The following TEX11 variants were observed in gnomAD, a reference collection of about 807,000 sequenced individuals.
TEX11 encodes the protein testis-expressed protein 11.
Under a neutral mutation model 84.4 loss-of-function variants are expected in TEX11, and 7 were observed. That is an observed-to-expected ratio of 0.08 (90% CI 0.05 to 0.16). The LOEUF is 0.16. TEX11 is among the 10% of genes least tolerant of loss of function. The probability of loss-of-function intolerance (pLI) is 1.00; values close to 1 mark genes in which losing one functional copy is unlikely to be tolerated. For missense variants in TEX11, 551 were observed against 660.5 expected (o/e 0.83, Z 1.82); for synonymous variants, 264 against 222.8 (o/e 1.18, Z -1.64).
At chrX:70,897,615 GGAAGGAAGGAAGGAAGGA>G (rs1569463109) in intron 2 of TEX11, 7 of 40,684 alleles carry the variant, frequency 1.7e-4, no homozygotes, top group Admixed American at 1.4e-3. Flanking sequence ...AAAAAAGGAA[GGAAGGAAGGAAGGAAGGA>G]AGGAAGGAAG....
intron 9 of TEX11, among the ~76,000 whole-genome samples, chrX:70,794,496 A>C (rs1247599591): frequency 1.8e-5 from 2 of 110,096 alleles, no homozygotes; most frequent in Non-Finnish European, 3.8e-5. Context: ...CTGGGTGGCC[A>C]AGGGAGTGCC....
At chrX:70,904,279 A>G (rs1039735224) in intron 2 of TEX11, among the ~76,000 whole-genome samples, 5 of 111,537 alleles carry the variant, frequency 4.5e-5, no homozygotes, top group Non-Finnish European at 7.5e-5. Context: ...TGTGTGCATA[A>G]GAGAAAACTC....
At chrX:70,798,518 C>T (rs759647306) in intron 9 of TEX11, among the ~76,000 whole-genome samples, 1 of 112,005 alleles carries the variant, frequency 8.9e-6, no homozygotes, top group East Asian at 2.8e-4. Flanking sequence ...CACAAAAGAC[C>T]TAAATAGCCA....
At chrX:70,657,164 T>G (rs1324469337) in intron 16 of TEX11, among the ~76,000 whole-genome samples, 2 of 111,780 alleles carry the variant, frequency 1.8e-5, no homozygotes, top group East Asian at 5.6e-4. Flanking sequence ...TAATTTTAAT[T>G]AATTTAAACT....
chrX:70,825,370 T>C lies in TEX11; in HGVS notation c.606+8143A>G, dbSNP rs187058884. On this transcript the variant is annotated intron_variant, in intron 8 of 29. Coordinates refer to ENST00000374333, the MANE Select transcript of TEX11 (RefSeq NM_031276.3). ...ATATGTATATATATATATTGTTCAA[T>C]AAAAAACTACTCGGTATATGACAAT... Among the ~76,000 whole-genome samples, 456 of 108,429 alleles carry C rather than the reference T, an allele frequency of 4.2e-3. 1 individual carries two copies. Among genetic ancestry groups the C allele is most frequent in the Non-Finnish European group, 7.1e-3 (373 of 52,522 alleles). 94.2% of individuals were successfully genotyped at this position (108,429 alleles called of 115,157 possible).
rs1310490327 is a variant in TEX11, at chrX:70,872,862, T to C, written c.244+361A>G. Among the ~76,000 whole-genome samples the C allele has an allele frequency of 2.7e-5, 3 of 112,006 alleles. No individual in the cohort carries two copies. In the East Asian group the frequency reaches 8.3e-4, roughly 31 times the overall value. On this transcript the variant is annotated intron_variant, in intron 4 of 29. Coordinates refer to ENST00000374333, the MANE Select transcript of TEX11 (RefSeq NM_031276.3). ...TTATTAATAGAGGGGAAACTACTAT[T>C]TGATGGTCCTTCAGAACCCTGAAGA... is the stretch of plus-strand genomic sequence containing the variant.
the TEX11 span, among the ~76,000 whole-genome samples, chrX:70,512,236 CTTA>C: frequency 1.9e-5 from 2 of 106,081 alleles, no homozygotes; most frequent in Non-Finnish European, 3.9e-5. Context: ...TTTTCTTCTT[CTTA>C]TTATTATTAT....
chrX:70,654,032 G>C (rs1308568655), intron 16 of TEX11, among the ~76,000 whole-genome samples: 2 of 111,833 alleles, frequency 1.8e-5, no homozygotes, highest in Admixed American at 1.9e-4. Flanking sequence ...AGTTCAGTGA[G>C]AGGGAGGAAG....
intron 13 of TEX11, among the ~76,000 whole-genome samples, chrX:70,698,335 T>C (rs1488740354): frequency 9.0e-6 from 1 of 110,909 alleles, no homozygotes; most frequent in Non-Finnish European, 1.9e-5. Context: ...CTCAAAAAAA[T>C]AGAATGAATG....
At chrX:70,540,232 C>A (rs762915209) in intron 28 of TEX11, among the ~76,000 whole-genome samples, 2 of 112,238 alleles carry the variant, frequency 1.8e-5, no homozygotes, top group East Asian at 5.6e-4. Flanking sequence ...AGAAATGTTA[C>A]GATACCTGAC....
intron 9 of TEX11, among the ~76,000 whole-genome samples, chrX:70,768,541 TG>T (rs200126809): frequency 0.028 from 3,075 of 111,125 alleles, 108 homozygotes; most frequent in African/African-American, 0.095. Context: ...CATACAGTCA[TG>T]GCAGAAATAG....
chrX:70,544,855 A>AC (rs2088097787), intron 28 of TEX11, among the ~76,000 whole-genome samples: 1 of 108,020 alleles, frequency 9.3e-6, no homozygotes. Context: ...AAAAAAAAAA[A>AC]AAACCCAAAA....
intron 25 of TEX11, among the ~76,000 whole-genome samples, chrX:70,560,773 A>G (rs1276538909): frequency 1.8e-5 from 2 of 108,929 alleles, no homozygotes; most frequent in Admixed American, 2.0e-4. Context: ...CCCAGGCTAG[A>G]GTGTAGTGGT....
chrX:70,614,715 C>A (rs990365549), intron 20 of TEX11, among the ~76,000 whole-genome samples: 1 of 111,453 alleles, frequency 9.0e-6, no homozygotes, highest in Admixed American at 9.5e-5. Context: ...AGAACCAGGG[C>A]TGTGTTGGCT....
chrX:70,813,016 G>T (rs2091266281), intron 8 of TEX11, among the ~76,000 whole-genome samples: 1 of 111,325 alleles, frequency 9.0e-6, no homozygotes, highest in Non-Finnish European at 1.9e-5. Context: ...TCTACCAGAG[G>T]TACAAGGAGG....
At chrX:70,860,755 TA>T in intron 5 of TEX11, 101 bp downstream of exon 5, 2 of 533,425 alleles carry the variant, frequency 3.7e-6, no homozygotes, top group Non-Finnish European at 3.1e-6. Flanking sequence ...AGGATAGCAC[TA>T]AAAGATTCAA....
At chrX:70,857,529 G>C (rs1354509614) in intron 5 of TEX11, 3 of 253,389 alleles carry the variant, frequency 1.2e-5, no homozygotes, top group Non-Finnish European at 2.3e-5. Context: ...GGAAAGTTAA[G>C]TATCAGCAGG....
intron 3 of TEX11, among the ~76,000 whole-genome samples, chrX:70,877,165 C>T: frequency 9.1e-6 from 1 of 109,722 alleles, no homozygotes. Flanking sequence ...GTGGTGGCGC[C>T]TGCCTGTAAT....
At chrX:70,762,654 C>T (rs994255363) in intron 9 of TEX11, among the ~76,000 whole-genome samples, 4 of 111,175 alleles carry the variant, frequency 3.6e-5, no homozygotes, top group African/African-American at 1.3e-4. Flanking sequence ...TCCCCACCCC[C>T]GATCCCCCAC....
Sources: allele counts gnomAD v4.1 joint callset (sites outside exome capture counted in the v4.1 genomes callset), GRCh38; gene constraint gnomAD v4.1.1; transcripts MANE v1.5; gene names NCBI Gene and HGNC (gene_info 2026-07-23, HGNC 2026-07-21).